Variants in ABCB8 observed in about 807,000 individuals in gnomAD.
The protein encoded by ABCB8 is mitochondrial potassium channel ATP-binding subunit.
ABCB8 carries 52 observed loss-of-function variants against 73.0 expected under a neutral mutation model. That is an observed-to-expected ratio of 0.71 (90% CI 0.57 to 0.90). The LOEUF is 0.90. Among genes scored for constraint, ABCB8 ranks in the 40% least tolerant of loss-of-function variants. The probability of loss-of-function intolerance (pLI) is 0.00; values close to 1 mark genes in which losing one functional copy is unlikely to be tolerated. For missense variants in ABCB8, 909 were observed against 974.6 expected (o/e 0.93, Z 0.90); for synonymous variants, 428 against 423.5 (o/e 1.01, Z -0.13).
Position 151,044,037 on chromosome 7 carries a change from AGCAGCCCACGGT to A in ABCB8, c.1835_1846del (p.Gln612_Val615del), listed in dbSNP as rs777054579. On this transcript the variant is annotated inframe_deletion, in exon 15 of 16. Transcript: ENST00000358849. ...CTGGCCATCGCCCGAGCCCTTATCA[AGCAGCCCACGGT>A]GCTGATACTGGATGAAGCTACCAGC... 12 of 1,613,270 alleles carry A rather than the reference AGCAGCCCACGGT, an allele frequency of 7.4e-6. No homozygotes were observed. The highest frequency in any genetic ancestry group is 1.3e-5 in the African/African-American group (1 of 74,910).
intron 13 of ABCB8, 147 bp from the exon 14 acceptor site, chr7:151,041,814 C>T: frequency 9.6e-7 from 1 of 1,037,984 alleles, no homozygotes; most frequent in Non-Finnish European, 1.4e-6. Context: ...ATCCTCACTT[C>T]ACCTCTGACT....
At chr7:151,033,032 T>C (rs1362397061) in intron 1 of ABCB8, 2 of 456,542 alleles carry the variant, frequency 4.4e-6, no homozygotes, top group South Asian at 1.5e-5. Context: ...TCAGCTCTCT[T>C]AGCTCCACAT....
intron 2 of ABCB8, 41 bp downstream of exon 2, chr7:151,033,958 G>A: frequency 6.5e-7 from 1 of 1,527,726 alleles, no homozygotes; most frequent in Non-Finnish European, 8.8e-7. Context: ...GACAGGGCAG[G>A]ACCCAGAGCT....
rs1447867581 is a variant in ABCB8, at chr7:151,033,771, C to A, written c.262C>A (p.Pro88Thr). Residue 88 changes from proline to threonine, a missense_variant, in exon 2 of 16, where the codon CCC (proline) becomes ACC (threonine). Physicochemically the swap from Pro to Thr is conservative, Grantham distance 38. Transcript: ENST00000358849. ...AGGCCCCATGGTACTGAGTAAGCAT[C>A]CCCACCTCTGCCTTGTGGCCCTGTG... ...LLGPMVLSKH[P>T]HLCLVALCEA... is the part of the protein sequence containing the mutation. 6.2e-7 allele frequency: 1 copy of A among 1,614,112 alleles called. No individual in the cohort carries two copies. The highest frequency in any genetic ancestry group is 1.7e-4 in the Middle Eastern group (1 of 6,060).
In ABCB8 at chr7:151,034,837, G is replaced by T. The variant is rs781329280; in HGVS notation, c.765+8G>T. On this transcript the variant is annotated splice_region_variant and intron_variant, in intron 5 of 15. Transcript: ENST00000358849. ...AAGCTTGTCATCTCCCAGGTCAGTG[G>T]CCCAGTGGCCCCCACCACGTCCACA... 21 of 1,608,028 alleles carry T rather than the reference G, an allele frequency of 1.3e-5. No individual in the cohort carries two copies. The Middle Eastern group carries it at 7.3e-4, about 56-fold the overall frequency.
intron 14 of ABCB8, 119 bp from the exon 15 acceptor site, chr7:151,043,852 C>A: frequency 7.1e-7 from 1 of 1,417,248 alleles, no homozygotes. Context: ...GGAGGGTGCA[C>A]AGTGCTGAGA....
intron 1 of ABCB8, among the ~76,000 whole-genome samples, chr7:151,029,988 C>T (rs886837203): frequency 6.6e-6 from 1 of 152,112 alleles, no homozygotes; most frequent in African/African-American, 2.4e-5. Context: ...TTGGCAACGA[C>T]CAAGACTTTC....
At chr7:151,030,207 G>A (rs115775648) in intron 1 of ABCB8, among the ~76,000 whole-genome samples, 2,444 of 152,320 alleles carry the variant, frequency 0.016, 43 homozygotes, top group African/African-American at 0.054. Context: ...GCATTTAGTT[G>A]GTCAGGACCA....
Position 151,045,491 on chromosome 7 carries a change from C to T in ABCB8, c.*142C>T, listed in dbSNP as rs901728709. 60 of 1,109,024 alleles carry T rather than the reference C, an allele frequency of 5.4e-5. No individual in the cohort carries two copies. Among genetic ancestry groups the T allele is most frequent in the Non-Finnish European group, 6.6e-5 (56 of 853,612 alleles). 68.7% of individuals were successfully genotyped at this position (1,109,024 alleles called of 1,614,324 possible). On this transcript the variant is annotated 3_prime_UTR_variant, in exon 16 of 16. Transcript: ENST00000358849. The stretch of plus-strand genomic sequence containing the variant: ...CGGCTGCTCCTGCTCACAATAAAGC[C>T]GGGGCCGAGCAGCTGGCAGGGGAGG...
intron 1 of ABCB8, chr7:151,032,997 T>G: frequency 2.2e-6 from 1 of 456,616 alleles, no homozygotes. Context: ...CTCGTCCCAG[T>G]TCTGCTGCCT....
At position 151,041,961 on chromosome 7, in the gene ABCB8, G is replaced by A. The variant is rs745755842; in HGVS notation, c.1618G>A (p.Glu540Lys). The change falls in exon 14 of 16, where the codon GAG becomes AAG. Residue 540 changes from glutamate to lysine, a missense_variant and splice_region_variant. Transcript: ENST00000358849. ...RGQVVGFISQ[E>K]PVLFGTTIME... ...TGTCTCCATAACCCCTCACCCACAG[G>A]AGCCCGTCCTGTTTGGGACGACCAT... 3.7e-6 allele frequency: 6 copies of A among 1,612,246 alleles called. No homozygotes were observed. In the African/African-American group the frequency reaches 8.0e-5, roughly 22 times the overall value.
At chr7:151,041,284 GCCCTGC>G (rs747336302) in intron 13 of ABCB8, 52 bp downstream of exon 13, 1 of 1,545,902 alleles carries the variant, frequency 6.5e-7, no homozygotes, top group South Asian at 1.2e-5. Flanking sequence ...CCTCCCCTGG[GCCCTGC>G]CCCCTTAGTC....
Position 151,044,074 on chromosome 7 carries a change from C to A in ABCB8, c.1869C>A (p.Ser623Arg). The part of the protein sequence containing the change: ...PTVLILDEAT[S>R]ALDAESERVV... ...TGCTGATACTGGATGAAGCTACCAGCGCGCTGGATGCAGAGTCCGAGCGGG... is the reference window on the plus strand; with the variant it reads ...TGCTGATACTGGATGAAGCTACCAGAGCGCTGGATGCAGAGTCCGAGCGGG... Residue 623 changes from serine (S) to arginine (R), a missense_variant, in exon 15 of 16, where the codon AGC (serine) becomes AGA (arginine). Ser to Arg is a moderately radical substitution (Grantham distance 110). Coordinates refer to ENST00000358849, the MANE Select transcript of ABCB8 (RefSeq NM_007188.5). 6.2e-7 allele frequency: 1 copy of A among 1,613,732 alleles called. No individual in the cohort carries two copies.
rs1053903039 is a variant in ABCB8 at position 151,033,817 on chromosome 7, C to T, written c.308C>T (p.Pro103Leu). Residue 103 changes from proline to leucine, a missense_variant, in exon 2 of 16, where the codon CCT (proline) becomes CTT (leucine). By Grantham distance (98) the Pro-to-Leu change is moderately conservative (BLOSUM62 -3). Transcript: ENST00000358849. ...CTGTGTGAGGCAGAAGAGGCCCCTC[C>T]TGCCAGCTCCACACCCCATGTCGTG... ...VALCEAEEAP[P>L]ASSTPHVVGS... The T allele has an allele frequency of 3.7e-6, 6 of 1,614,122 alleles. No individual in the cohort carries two copies. The highest frequency in any genetic ancestry group is 1.7e-4 in the Middle Eastern group (1 of 6,058).
intron 9 of ABCB8, chr7:151,037,200 C>T (rs545229953): frequency 1.5e-4 from 105 of 703,010 alleles, no homozygotes; most frequent in Middle Eastern, 1.4e-3. Flanking sequence ...AGACTATGTC[C>T]TTTTGTGACT....
rs1474326935 is a variant in ABCB8 at position 151,040,899 on chromosome 7, C to T, written c.1460C>T (p.Ala487Val). 4 of 1,605,710 alleles carry T rather than the reference C, an allele frequency of 2.5e-6. No individual in the cohort carries two copies. The highest frequency in any genetic ancestry group is 3.4e-6 in the Non-Finnish European group (4 of 1,176,344). The change falls in exon 12 of 16, where the codon GCC (alanine) becomes GTC (valine). Residue 487 changes from alanine (A) to valine (V), a missense_variant. By Grantham distance (64) the Ala-to-Val change is moderately conservative (BLOSUM62 0). Coordinates refer to ENST00000358849, the MANE Select transcript of ABCB8 (RefSeq NM_007188.5). ...TLTLPPGKIV[A>V]LVGQSGGGKT... Reference sequence around the variant, plus strand: ...ACGCTGCCCCCTGGCAAGATCGTGGCCCTCGTGGGCCAGTCTGGCGGAGGT... The same window carrying T: ...ACGCTGCCCCCTGGCAAGATCGTGGTCCTCGTGGGCCAGTCTGGCGGAGGT...
Position 151,044,117 on chromosome 7 carries a change from G to A in ABCB8, c.1912G>A (p.Asp638Asn). ...CGAGCGGGTTGTACAGGAGGCCCTG[G>A]ACCGGGCCAGTGCAGGCCGCACGGT... ...ESERVVQEALDRASAGRTVLV... is the reference protein window; with the variant it reads ...ESERVVQEALNRASAGRTVLV... Residue 638 changes from aspartate to asparagine, a missense_variant, in exon 15 of 16, where the codon GAC becomes AAC. Asp to Asn is a conservative substitution (Grantham distance 23). Transcript: ENST00000358849. 2 of 1,613,934 alleles carry A rather than the reference G, an allele frequency of 1.2e-6. No individual in the cohort carries two copies. Among genetic ancestry groups the A allele is most frequent in the South Asian group, 2.2e-5 (2 of 91,080 alleles).
chr7:151,035,642 G>C lies in ABCB8; in HGVS notation c.827G>C (p.Arg276Pro), dbSNP rs190274756. 6 of 1,612,268 alleles carry C rather than the reference G, an allele frequency of 3.7e-6. No individual in the cohort carries two copies. Among genetic ancestry groups the C allele is most frequent in the Non-Finnish European group, 2.5e-6 (3 of 1,179,016 alleles). Residue 276 changes from arginine (R) to proline (P), a missense_variant, in exon 6 of 16, where the codon CGC (arginine) becomes CCC (proline). Arg to Pro is a moderately radical substitution (Grantham distance 103). Coordinates refer to ENST00000358849, the MANE Select transcript of ABCB8 (RefSeq NM_007188.5). ...GTGTCCCTGTCCATGCTGTCGACAC[G>C]CCTCACGCTGCTGCTGATGGTGGCC... ...CLVSLSMLST[R>P]LTLLLMVATP...
rs1796602664 is a variant in ABCB8, at chr7:151,046,014, C to G, written c.*665C>G. ...CCACCCACAAGGGACACAGGCCTAACAGGGCCCAACACTTGGGTCAGGGTA... is the reference window on the plus strand; with the variant it reads ...CCACCCACAAGGGACACAGGCCTAAGAGGGCCCAACACTTGGGTCAGGGTA... On this transcript the variant is annotated 3_prime_UTR_variant, in exon 16 of 16. Transcript: ENST00000358849. The G allele has an allele frequency of 1.3e-5, 2 of 152,338 alleles. No homozygotes were observed. Among genetic ancestry groups the G allele is most frequent in the Admixed American group, 6.5e-5 (1 of 15,290 alleles). The allele number at this position is 152,338 out of a possible 1,614,324, so 9.4% of individuals were successfully genotyped here.
Sources: gnomAD v4.1 joint callset for allele counts (sites outside exome capture counted in the v4.1 genomes callset) on GRCh38, gnomAD v4.1.1 for gene constraint, MANE v1.5 for transcripts, NCBI Gene and HGNC (gene_info 2026-07-23, HGNC 2026-07-21) for gene names.